Variants in SULT1A2 observed in about 807,000 individuals in gnomAD.
SULT1A2 encodes the protein sulfotransferase family 1A member 2.
In SULT1A2, 33 loss-of-function variants were observed where a neutral mutation model predicts 36.0. That is an observed-to-expected ratio of 0.92 (90% confidence interval 0.69 to 1.22). The LOEUF (loss-of-function observed/expected upper bound fraction) is 1.22, where lower values mean the gene tolerates loss of function less well. Among genes scored for constraint, SULT1A2 ranks in the 50% most tolerant of loss-of-function variants. The pLI is 0.00. For synonymous variants in SULT1A2, 138 were observed against 144.5 expected (o/e 0.96, Z 0.32); for missense variants, 367 against 383.2 (o/e 0.96, Z 0.35).
chr16:28,596,956 CA>C, intron 1 of SULT1A2, 40 bp downstream of exon 1: 1 of 1,203,196 alleles, frequency 8.3e-7, no homozygotes, highest in Admixed American at 2.8e-5. Context: ...ACAAGCTGAG[CA>C]GGGTGAGGGC....
chr16:28,593,678 T>C (rs1285787998), intron 4 of SULT1A2, 110 bp from the exon 5 acceptor site: 2 of 1,558,596 alleles, frequency 1.3e-6, no homozygotes, highest in East Asian at 2.3e-5. Context: ...GGCTGACTTG[T>C]TTGAGATCTC....
At chr16:28,596,469 T>C (rs2047061147) in intron 1 of SULT1A2, 1 of 751,294 alleles carries the variant, frequency 1.3e-6, no homozygotes, top group Non-Finnish European at 1.8e-6. Context: ...CCATCTGGGC[T>C]CCAGGACAAA....
At chr16:28,595,228 A>G (rs561783899) in intron 4 of SULT1A2, 139 bp downstream of exon 4, 2 of 1,106,532 alleles carry the variant, frequency 1.8e-6, no homozygotes, top group East Asian at 2.5e-5. Flanking sequence ...AGCTGGTATT[A>G]CAGGCACACA....
chr16:28,592,393 C>A lies in SULT1A2; in HGVS notation c.645G>T (p.Leu215=). ...CCATGAGGTCCACAGTCTCCTCTGG[C>A]AGGGAGCGCCCCACAAACTCCAGGA... ...QKILEFVGRS[L]PEETVDLMVE... is the part of the protein sequence containing the mutation. The change falls in exon 7 of 8, where the codon CTG becomes CTT. Residue 215 remains leucine (L), a synonymous_variant. Coordinates refer to ENST00000335715, the MANE Select transcript of SULT1A2 (RefSeq NM_001054.4). 1 of 1,614,086 alleles carries A rather than the reference C, an allele frequency of 6.2e-7. No homozygotes were observed. The highest frequency in any genetic ancestry group is 8.5e-7 in the Non-Finnish European group (1 of 1,179,930).
At chr16:28,595,194 T>A (rs541573119) in intron 4 of SULT1A2, among the ~76,000 whole-genome samples, 173 bp downstream of exon 4, 4 of 152,086 alleles carry the variant, frequency 2.6e-5, no homozygotes, top group Non-Finnish European at 4.4e-5. Context: ...GCTCAGATGA[T>A]CCTCCCACCT....
rs75573178 is a variant in SULT1A2, at chr16:28,592,724, A to G, written c.595-281T>C. Reference sequence around the variant, plus strand: ...GCATAACCATTGGCAGGGAGAAGCAATTGGAATAGATAGCTGATCTGTGGC... The same window carrying G: ...GCATAACCATTGGCAGGGAGAAGCAGTTGGAATAGATAGCTGATCTGTGGC... On this transcript the variant is annotated intron_variant, in intron 6 of 7. Transcript: ENST00000335715. Among the ~76,000 whole-genome samples the G allele has an allele frequency of 7.2e-3, 1,093 of 152,208 alleles. 12 individuals are homozygous for G. The highest frequency in any genetic ancestry group is 0.026 in the African/African-American group (1,061 of 41,540).
intron 4 of SULT1A2, among the ~76,000 whole-genome samples, chr16:28,594,114 G>T (rs1186191832): frequency 6.7e-6 from 1 of 149,228 alleles, no homozygotes; most frequent in Admixed American, 6.7e-5. Flanking sequence ...TTTTGGGGGG[G>T]GGGACTCTAG....
chr16:28,592,322 T>C lies in SULT1A2; in HGVS notation c.716A>G (p.Asn239Ser), dbSNP rs45472392. 1,549 of 1,613,834 alleles carry C rather than the reference T, an allele frequency of 9.6e-4. 16 individuals are homozygous for C. In the African/African-American group the frequency reaches 0.019, roughly 20 times the overall value. The change falls in exon 7 of 8, where the codon AAC becomes AGC. Residue 239 changes from asparagine (N) to serine (S), a missense_variant. Physicochemically the swap from Asn to Ser is conservative, Grantham distance 46. Transcript: ENST00000335715. ...GAACTCCCGGCGGACGGTGGTGTAGTTGGTCATAGGGTTCTTCTTCATCTC... is the reference window on the plus strand; with the variant it reads ...GAACTCCCGGCGGACGGTGGTGTAGCTGGTCATAGGGTTCTTCTTCATCTC... ...FKEMKKNPMT[N>S]YTTVRREFMD...
intron 7 of SULT1A2, 55 bp downstream of exon 7, chr16:28,592,208 A>G: frequency 6.2e-7 from 1 of 1,613,714 alleles, no homozygotes; most frequent in South Asian, 1.1e-5. Context: ...GCCTATGGGG[A>G]GGCTCCAGCT....
At chr16:28,593,617 C>T in intron 4 of SULT1A2, 49 bp from the exon 5 acceptor site, 1 of 1,609,474 alleles carries the variant, frequency 6.2e-7, no homozygotes, top group Admixed American at 1.7e-5. Context: ...CACAGCCTGC[C>T]CCAGGCCAGC....
Position 28,593,610 on chromosome 16 carries a change from A to G in SULT1A2, c.373-42T>C, listed in dbSNP as rs1174148372. Reference sequence around the variant, plus strand: ...CTCAACCCCAGCACCATCACCACACAGCCTGCCCCAGGCCAGCTCATCTCT... The same window carrying G: ...CTCAACCCCAGCACCATCACCACACGGCCTGCCCCAGGCCAGCTCATCTCT... On this transcript the variant is annotated intron_variant, in intron 4 of 7. Coordinates refer to ENST00000335715, the MANE Select transcript of SULT1A2 (RefSeq NM_001054.4). The G allele has an allele frequency of 3.1e-6, 5 of 1,611,808 alleles. No homozygotes were observed. In the South Asian group the frequency reaches 5.5e-5, roughly 18 times the overall value.
At chr16:28,596,705 G>T (rs1208575128) in intron 1 of SULT1A2, 3 of 226,734 alleles carry the variant, frequency 1.3e-5, no homozygotes, top group Middle Eastern at 1.8e-3. Flanking sequence ...ATCCAGGCAG[G>T]ATGGTGAGGG....
Position 28,596,999 on chromosome 16 carries a change from G to A in SULT1A2, c.-7C>T. On this transcript the variant is annotated splice_region_variant and 5_prime_UTR_variant, in exon 1 of 8. Transcript: ENST00000335715. The stretch of plus-strand genomic sequence containing the variant: ...GGCCATTCCGGTGTGTCACTCACCT[G>A]AGCTCTTGGGAACCTGGCCTTGTGC... The A allele has an allele frequency of 7.8e-7, 1 of 1,276,748 alleles. No individual in the cohort carries two copies. The highest frequency in any genetic ancestry group is 1.5e-5 in the African/African-American group (1 of 65,584). The allele number at this position is 1,276,748 out of a possible 1,614,324, so 79.1% of individuals were successfully genotyped here.
intron 1 of SULT1A2, 130 bp downstream of exon 1, chr16:28,596,867 G>T (rs1199882948): frequency 3.6e-5 from 21 of 589,934 alleles, no homozygotes; most frequent in Non-Finnish European, 5.0e-5. Context: ...ATTCAGGCCG[G>T]CCGGGGTTGT....
chr16:28,595,866 T>C lies in SULT1A2; in HGVS notation c.65A>G (p.Lys22Arg), dbSNP rs2047053994. 12 of 1,611,218 alleles carry C rather than the reference T, an allele frequency of 7.4e-6. No homozygotes were observed. The highest frequency in any genetic ancestry group is 1.0e-5 in the Non-Finnish European group (12 of 1,179,212). ...GGGCCCCAGTGCCTCTGCAAAGTAC[T>C]TGATGAGCGGGACCCCCTTCACGTA... ...LEYVKGVPLI[K>R]YFAEALGPLQ... Residue 22 changes from lysine (K) to arginine (R), a missense_variant, in exon 2 of 8, where the codon AAG (lysine) becomes AGG (arginine). Lys to Arg is a conservative substitution (Grantham distance 26, BLOSUM62 2). Transcript: ENST00000335715.
rs767025008 is a variant in SULT1A2 at position 28,595,601 on chromosome 16, T to C, written c.223A>G (p.Ile75Val). 61 of 1,614,052 alleles carry C rather than the reference T, an allele frequency of 3.8e-5. No homozygotes were observed. The highest frequency in any genetic ancestry group is 5.2e-5 in the Non-Finnish European group (61 of 1,180,028). ...GDLEKCHRAP[I>V]FMRVPFLEFK... ...TCAAGGAAGGGCACCCGCATGAAGA[T>C]GGGAGCTCGGTGACACTTTTCCAGG... The change falls in exon 3 of 8, where the codon ATC (isoleucine) becomes GTC (valine). Residue 75 changes from isoleucine (I) to valine (V), a missense_variant. By Grantham distance (29) the Ile-to-Val change is conservative. Transcript: ENST00000335715.
rs369978676 is a variant in SULT1A2, at chr16:28,593,500, T to G, written c.441A>C (p.Lys147Asn). The change falls in exon 5 of 8, where the codon AAA (lysine) becomes AAC (asparagine). Residue 147 changes from lysine (K) to asparagine (N), a missense_variant. By Grantham distance (94) the Lys-to-Asn change is moderately conservative (BLOSUM62 0). Transcript: ENST00000335715. ...CCCAGGTCCCAGGGTGAGGGTACACTTTGGCCATGTGGTAGAAGTGGTAGT... is the reference window on the plus strand; with the variant it reads ...CCCAGGTCCCAGGGTGAGGGTACACGTTGGCCATGTGGTAGAAGTGGTAGT... ...VSYYHFYHMA[K>N]VYPHPGTWES... 162 of 1,614,068 alleles carry G rather than the reference T, an allele frequency of 1.0e-4. 1 individual carries two copies. Among genetic ancestry groups the G allele is most frequent in the Middle Eastern group, 1.6e-4 (1 of 6,084 alleles).
At chr16:28,592,545 T>C (rs2047006879) in intron 6 of SULT1A2, 102 bp from the exon 7 acceptor site, 2 of 1,582,338 alleles carry the variant, frequency 1.3e-6, no homozygotes, top group African/African-American at 1.4e-5. Flanking sequence ...CCACTTCCAC[T>C]TCAAAACCCA....
Position 28,593,523 on chromosome 16 carries a change from A to C in SULT1A2, c.418T>G (p.Tyr140Asp). 1.2e-6 allele frequency: 2 copies of C among 1,614,192 alleles called. No homozygotes were observed. The highest frequency in any genetic ancestry group is 1.7e-6 in the Non-Finnish European group (2 of 1,180,044). Residue 140 changes from tyrosine (Y) to aspartate (D), a missense_variant, in exon 5 of 8, where the codon TAC becomes GAC. By Grantham distance (160) the Tyr-to-Asp change is radical. Coordinates refer to ENST00000335715, the MANE Select transcript of SULT1A2 (RefSeq NM_001054.4). ...RNAKDVAVSYYHFYHMAKVYP... is the reference protein window; with the variant it reads ...RNAKDVAVSYDHFYHMAKVYP... ...ACTTTGGCCATGTGGTAGAAGTGGTAGTAGGAAACCGCCACATCCTTTGCG... is the reference window on the plus strand; with the variant it reads ...ACTTTGGCCATGTGGTAGAAGTGGTCGTAGGAAACCGCCACATCCTTTGCG...
Sources: gnomAD v4.1 joint callset for allele counts (sites outside exome capture counted in the v4.1 genomes callset) on GRCh38, gnomAD v4.1.1 for gene constraint, MANE v1.5 for transcripts, NCBI Gene and HGNC (gene_info 2026-07-23, HGNC 2026-07-21) for gene names.